MYO5A: variants seen among roughly 807,000 people sequenced by gnomAD.
The protein encoded by MYO5A is myosin VA, also known as unconventional myosin-Va.
In MYO5A, 98 loss-of-function variants were observed where a neutral mutation model predicts 249.7. The ratio of observed to expected loss-of-function variants is 0.39; its 90% CI spans 0.33 to 0.46. MYO5A has a LOEUF of 0.46. Ranked by LOEUF, MYO5A falls within the 20% of genes least tolerant of loss-of-function variation. The pLI is 0.98. For missense variants in MYO5A, 1,696 were observed against 2,308.8 expected, an observed-to-expected ratio of 0.73 and a Z score of 5.44; for synonymous variants, 778 against 810.6, an observed-to-expected ratio of 0.96 and a Z score of 0.68.
chr15:52,438,880 A>G (rs1239891314), intron 1 of MYO5A, among the ~76,000 whole-genome samples: 1 of 152,118 alleles, frequency 6.6e-6, no homozygotes, highest in Admixed American at 6.5e-5. Context: ...GCTGTTTGCC[A>G]CTGTTACAGA....
chr15:52,485,259 TA>T (rs72085613), intron 1 of MYO5A, among the ~76,000 whole-genome samples: 7,357 of 102,692 alleles, frequency 0.072, 444 homozygotes, highest in African/African-American at 0.23. Flanking sequence ...ATTCACTATG[TA>T]AAAAAAAAAA....
At chr15:52,451,487 C>G (rs2076019431) in intron 1 of MYO5A, among the ~76,000 whole-genome samples, 1 of 152,152 alleles carries the variant, frequency 6.6e-6, no homozygotes, top group South Asian at 2.1e-4. Context: ...GCTTAAAATC[C>G]TTTAATAACT....
chr15:52,325,556 C>G (rs2038561633), intron 36 of MYO5A, among the ~76,000 whole-genome samples: 2 of 151,844 alleles, frequency 1.3e-5, no homozygotes, highest in Non-Finnish European at 2.9e-5. Context: ...AACATGCCAC[C>G]ATGCTTGGCT....
At chr15:52,440,564 G>T (rs2075765882) in intron 1 of MYO5A, among the ~76,000 whole-genome samples, 1 of 152,166 alleles carries the variant, frequency 6.6e-6, no homozygotes, top group South Asian at 2.1e-4. Flanking sequence ...CACCGCACCT[G>T]GCCCACCAGT....
At chr15:52,394,081 C>A in intron 11 of MYO5A, among the ~76,000 whole-genome samples, 1 of 152,328 alleles carries the variant, frequency 6.6e-6, no homozygotes, top group African/African-American at 2.4e-5. Context: ...GCAAGAGATT[C>A]TTGGTCAATA....
At chr15:52,472,998 T>C (rs1012369448) in intron 1 of MYO5A, among the ~76,000 whole-genome samples, 2 of 152,362 alleles carry the variant, frequency 1.3e-5, no homozygotes, top group African/African-American at 2.4e-5. Flanking sequence ...AACTAGTTTA[T>C]AGTCCCACCA....
intron 7 of MYO5A, 62 bp downstream of exon 7, chr15:52,407,997 T>A: frequency 9.1e-7 from 1 of 1,097,086 alleles, no homozygotes; most frequent in Admixed American, 1.7e-5. Context: ...CAAGTAAATT[T>A]AGGAACTTGG....
intron 35 of MYO5A, among the ~76,000 whole-genome samples, chr15:52,329,558 T>C (rs980450808): frequency 7.2e-5 from 11 of 152,228 alleles, no homozygotes; most frequent in Admixed American, 6.5e-5. Context: ...ATTTATTCTG[T>C]CCATTCCTTC....
chr15:52,492,100 G>A (rs1460135628), intron 1 of MYO5A, among the ~76,000 whole-genome samples: 1 of 152,108 alleles, frequency 6.6e-6, no homozygotes, highest in African/African-American at 2.4e-5. Context: ...ACATTTTTAG[G>A]TGTCACAATG....
At chr15:52,481,273 A>G (rs1478328718) in intron 1 of MYO5A, among the ~76,000 whole-genome samples, 1 of 152,244 alleles carries the variant, frequency 6.6e-6, no homozygotes, top group African/African-American at 2.4e-5. Context: ...GTCTCTAGGA[A>G]TGAAAAACAG....
chr15:52,418,594 G>A (rs1250377294), intron 4 of MYO5A, among the ~76,000 whole-genome samples: 3 of 152,066 alleles, frequency 2.0e-5, no homozygotes, highest in Non-Finnish European at 4.4e-5. Flanking sequence ...AATTGAGAGG[G>A]TAATACCAGA....
chr15:52,378,136 C>A (rs1293121189), intron 18 of MYO5A, among the ~76,000 whole-genome samples: 1 of 151,508 alleles, frequency 6.6e-6, no homozygotes, highest in Non-Finnish European at 1.5e-5. Context: ...CCACAAAGCC[C>A]TGATCCAGGC....
chr15:52,308,983 AC>A lies in MYO5A; in HGVS notation c.*4712del, dbSNP rs1345197515. 1 of 152,608 alleles carries A rather than the reference AC, an allele frequency of 6.6e-6. No individual in the cohort carries two copies. Among genetic ancestry groups the A allele is most frequent in the African/African-American group, 2.4e-5 (1 of 41,456 alleles). The allele number at this position is 152,608 out of a possible 1,614,324, so 9.5% of individuals were successfully genotyped here. ...CATGCACACACTGCAGTGCCCACGCACACACTGACTTGTATATGGCCTGCCC... is the reference window on the plus strand; with the variant it reads ...CATGCACACACTGCAGTGCCCACGCAACACTGACTTGTATATGGCCTGCCC... On this transcript the variant is annotated 3_prime_UTR_variant, in exon 42 of 42. Coordinates refer to ENST00000399233, the MANE Select transcript of MYO5A (RefSeq NM_001382347.1).
At position 52,397,388 on chromosome 15, in the gene MYO5A, G is replaced by C; in HGVS notation, c.1132C>G (p.Arg378Gly). ...YEEMCHWLCHRKLATATETYI... is the reference protein window; with the variant it reads ...YEEMCHWLCHGKLATATETYI... ...GTCTCTGTGGCAGTAGCCAGTTTCCGATGGCAGAGCCAGTGACACATCTCC... is the reference window on the plus strand; with the variant it reads ...GTCTCTGTGGCAGTAGCCAGTTTCCCATGGCAGAGCCAGTGACACATCTCC... Residue 378 changes from arginine (R) to glycine (G), a missense_variant, in exon 10 of 42, where the codon CGG becomes GGG. Arg to Gly is a moderately radical substitution (Grantham distance 125). Transcript: ENST00000399233. 6.2e-7 allele frequency: 1 copy of C among 1,614,086 alleles called. No homozygotes were observed. Among genetic ancestry groups the C allele is most frequent in the East Asian group, 2.2e-5 (1 of 44,872 alleles).
chr15:52,337,260 AG>A (rs1341238628), intron 33 of MYO5A, among the ~76,000 whole-genome samples: 1 of 152,212 alleles, frequency 6.6e-6, no homozygotes, highest in African/African-American at 2.4e-5. Flanking sequence ...TTAAGGAGGA[AG>A]GTAAAAAAAA....
chr15:52,485,259 TAA>T lies in MYO5A; in HGVS notation c.27+43519_27+43520del, dbSNP rs72085613. On this transcript the variant is annotated intron_variant, in intron 1 of 41. Coordinates refer to ENST00000399233, the MANE Select transcript of MYO5A (RefSeq NM_001382347.1). ...AAAAGAGAATAAAGAATTCACTATGTAAAAAAAAAAAAAAAAAAAACAAGACT... is the reference window on the plus strand; with the variant it reads ...AAAAGAGAATAAAGAATTCACTATGTAAAAAAAAAAAAAAAAAACAAGACT... Among the ~76,000 whole-genome samples the T allele has an allele frequency of 4.4e-3, 452 of 102,732 alleles. 1 individual carries two copies. Among genetic ancestry groups the T allele is most frequent in the African/African-American group, 0.012 (344 of 27,826 alleles). The allele number at this position is 102,732 out of a possible 152,430, so 67.4% of individuals were successfully genotyped here. A position where few individuals can be genotyped will look rare whatever the true frequency, so the allele number is the denominator to read the frequency against.
At position 52,343,205 on chromosome 15, in the gene MYO5A, G is replaced by A. The variant is rs750929107; in HGVS notation, c.3960-8C>T. 1 of 1,610,612 alleles carries A rather than the reference G, an allele frequency of 6.2e-7. No homozygotes were observed. Among genetic ancestry groups the A allele is most frequent in the South Asian group, 1.1e-5 (1 of 90,998 alleles). On this transcript the variant is annotated splice_region_variant and splice_polypyrimidine_tract_variant and intron_variant, in intron 30 of 41. Coordinates refer to ENST00000399233, the MANE Select transcript of MYO5A (RefSeq NM_001382347.1). ...TAATCCAGAGCAGATGATCTTCCAT[G>A]CAAAAGGAACAACAATGCAAAACAC...
rs370255793 is a variant in MYO5A, at chr15:52,370,301, C to G, written c.2934G>C (p.Ala978=). 6.2e-7 allele frequency: 1 copy of G among 1,614,154 alleles called. No homozygotes were observed. Among genetic ancestry groups the G allele is most frequent in the East Asian group, 2.2e-5 (1 of 44,882 alleles). The change falls in exon 22 of 42, where the codon GCG becomes GCC. Residue 978 remains alanine, a synonymous_variant. Transcript: ENST00000399233. The part of the protein sequence containing the change: ...LERLQLSEEE[A]KVATGRVLSL... ...TAAGGACCCGCCCAGTGGCAACTTT[C>G]GCTTCCTCTTCACTTAGTTGAAGAC...
chr15:52,338,711 TTA>T (rs1258251367), intron 32 of MYO5A, among the ~76,000 whole-genome samples: 1 of 152,202 alleles, frequency 6.6e-6, no homozygotes, highest in Admixed American at 6.5e-5. Context: ...ATATAGGGGC[TTA>T]GTCTATTTTT....
Sources: gnomAD v4.1 joint callset for allele counts (sites outside exome capture counted in the v4.1 genomes callset) on GRCh38, gnomAD v4.1.1 for gene constraint, MANE v1.5 for transcripts, NCBI Gene and HGNC (gene_info 2026-07-23, HGNC 2026-07-21) for gene names.